The following GMDS variants were observed in gnomAD, a reference collection of about 807,000 sequenced individuals.
GMDS encodes GDP-mannose 4,6-dehydratase, also known as GDP-mannose 4,6 dehydratase.
In GMDS, 20 loss-of-function variants were observed where a neutral mutation model predicts 49.9. The ratio of observed to expected loss-of-function variants is 0.40; its 90% confidence interval spans 0.28 to 0.58. The LOEUF is 0.58. Ranked by LOEUF, GMDS falls within the 20% of genes least tolerant of loss-of-function variation. GMDS has a pLI of 0.42. For synonymous variants in GMDS, 177 were observed against 178.6 expected (o/e 0.99, Z 0.07); for missense variants, 362 against 481.4 (o/e 0.75, Z 2.32).
intron 1 of GMDS, among the ~76,000 whole-genome samples, chr6:2,219,200 G>A (rs574401238): frequency 3.3e-5 from 5 of 152,294 alleles, no homozygotes; most frequent in African/African-American, 9.6e-5. Context: ...ATACCCATTT[G>A]CATCTTTATA....
At chr6:1,825,801 C>T (rs975341113) in intron 7 of GMDS, among the ~76,000 whole-genome samples, 1 of 152,100 alleles carries the variant, frequency 6.6e-6, no homozygotes. Flanking sequence ...TTGAGGCTAG[C>T]TAGGAGTTTC....
At chr6:1,973,193 A>G (rs191106484) in intron 4 of GMDS, among the ~76,000 whole-genome samples, 1 of 152,352 alleles carries the variant, frequency 6.6e-6, no homozygotes, top group East Asian at 1.9e-4. Context: ...GGGTCATTCA[A>G]TAGGTTCCTG....
intron 1 of GMDS, among the ~76,000 whole-genome samples, chr6:2,189,968 C>A (rs965679194): frequency 2.6e-5 from 4 of 152,166 alleles, no homozygotes; most frequent in African/African-American, 9.7e-5. Flanking sequence ...TATGGGGTAA[C>A]TCGTGGTATC....
At chr6:1,750,394 A>C (rs1211847035) in intron 7 of GMDS, among the ~76,000 whole-genome samples, 2 of 152,096 alleles carry the variant, frequency 1.3e-5, no homozygotes, top group Non-Finnish European at 2.9e-5. Flanking sequence ...GGCTCATCTC[A>C]TTGGGACTGG....
At chr6:2,122,473 T>C (rs1333976384) in intron 2 of GMDS, among the ~76,000 whole-genome samples, 1 of 152,192 alleles carries the variant, frequency 6.6e-6, no homozygotes, top group Non-Finnish European at 1.5e-5. Context: ...TCCTACTTCA[T>C]GCAATCTACT....
chr6:1,990,146 A>G (rs1765842186), intron 4 of GMDS, among the ~76,000 whole-genome samples: 1 of 152,158 alleles, frequency 6.6e-6, no homozygotes, highest in Non-Finnish European at 1.5e-5. Flanking sequence ...AATATAAAAA[A>G]TTAGCCAGGC....
At chr6:1,652,389 ATAT>A (rs1561700448) in intron 9 of GMDS, among the ~76,000 whole-genome samples, 1 of 7,146 alleles carries the variant, frequency 1.4e-4, no homozygotes, top group Non-Finnish European at 3.2e-4. Context: ...AAATATATAT[ATAT>A]TATATATATA....
At chr6:1,646,978 G>T (rs1319740801) in intron 9 of GMDS, among the ~76,000 whole-genome samples, 1 of 152,078 alleles carries the variant, frequency 6.6e-6, no homozygotes, top group South Asian at 2.1e-4. Flanking sequence ...GGCTCCTGTG[G>T]GCACGGGTGG....
At chr6:2,126,869 C>T (rs796585010) in intron 1 of GMDS, among the ~76,000 whole-genome samples, 3 of 152,252 alleles carry the variant, frequency 2.0e-5, no homozygotes, top group African/African-American at 7.2e-5. Flanking sequence ...CTAGACCTCA[C>T]GTGATCTGCC....
intron 4 of GMDS, among the ~76,000 whole-genome samples, chr6:2,025,654 T>C (rs1178508376): frequency 6.6e-6 from 1 of 152,148 alleles, no homozygotes; most frequent in African/African-American, 2.4e-5. Flanking sequence ...TATTTCCTAA[T>C]ACTTGTACCT....
intron 2 of GMDS, among the ~76,000 whole-genome samples, chr6:2,119,266 C>T (rs1775011092): frequency 6.6e-6 from 1 of 151,994 alleles, no homozygotes; most frequent in East Asian, 1.9e-4. Flanking sequence ...AAAGCTTTGA[C>T]AAAAATATTA....
chr6:1,959,857 AT>A lies in GMDS; in HGVS notation c.643+9del. On this transcript the variant is annotated intron_variant, in intron 6 of 10. Coordinates refer to ENST00000380815, the MANE Select transcript of GMDS (RefSeq NM_001500.4). ...CTGAAATTCTCTTTTCAGTTAATAT[AT>A]TTACTGACCTCTTCTGGGACTCTCA... The A allele has an allele frequency of 6.8e-7, 1 of 1,476,006 alleles. No individual in the cohort carries two copies. Among genetic ancestry groups the A allele is most frequent in the Non-Finnish European group, 9.4e-7 (1 of 1,067,516 alleles). 91.4% of individuals were successfully genotyped at this position (1,476,006 alleles called of 1,614,324 possible).
intron 9 of GMDS, among the ~76,000 whole-genome samples, chr6:1,718,426 G>A (rs950722228): frequency 1.3e-5 from 2 of 152,096 alleles, no homozygotes; most frequent in East Asian, 1.9e-4. Flanking sequence ...CCTCTGTCCT[G>A]GGAGTCAACC....
chr6:1,808,076 GT>G (rs1446299200), intron 7 of GMDS, among the ~76,000 whole-genome samples: 2 of 152,162 alleles, frequency 1.3e-5, no homozygotes, highest in East Asian at 3.9e-4. Flanking sequence ...GTAATTTGCA[GT>G]ACGCTTTTCT....
At chr6:2,056,508 T>A (rs1227743740) in intron 4 of GMDS, among the ~76,000 whole-genome samples, 2 of 152,166 alleles carry the variant, frequency 1.3e-5, no homozygotes, top group Non-Finnish European at 2.9e-5. Flanking sequence ...TTCCATGCTG[T>A]GAGATACAAA....
intron 7 of GMDS, among the ~76,000 whole-genome samples, chr6:1,819,984 A>C (rs1770827951): frequency 6.6e-6 from 1 of 151,722 alleles, no homozygotes; most frequent in African/African-American, 2.4e-5. Flanking sequence ...ATCTTGGTAC[A>C]CTCTACACAA....
At chr6:2,036,454 C>T (rs1049439162) in intron 4 of GMDS, among the ~76,000 whole-genome samples, 2 of 152,114 alleles carry the variant, frequency 1.3e-5, no homozygotes, top group African/African-American at 4.8e-5. Flanking sequence ...TGCTTGTTGG[C>T]ACCTAGTAAT....
intron 4 of GMDS, among the ~76,000 whole-genome samples, chr6:1,987,272 CT>C (rs1561949080): frequency 0.032 from 4,863 of 151,924 alleles, 255 homozygotes; most frequent in African/African-American, 0.11. Context: ...TTTTTAAAAC[CT>C]TTTTTCAACT....
intron 1 of GMDS, among the ~76,000 whole-genome samples, chr6:2,133,979 T>C (rs973986324): frequency 6.6e-6 from 1 of 152,168 alleles, no homozygotes; most frequent in African/African-American, 2.4e-5. Flanking sequence ...ATCTCTGTAT[T>C]TGTTAGGTTG....
Sources: allele counts gnomAD v4.1 joint callset (sites outside exome capture counted in the v4.1 genomes callset), GRCh38; gene constraint gnomAD v4.1.1; transcripts MANE v1.5; gene names NCBI Gene and HGNC (gene_info 2026-07-23, HGNC 2026-07-21).